GYPC: variants seen among roughly 807,000 people sequenced by gnomAD.
The protein encoded by GYPC is glycophorin-C.
Under a neutral mutation model 12.6 loss-of-function variants are expected in GYPC, and 14 were observed. The observed-to-expected ratio is 1.11, with a 90% CI of 0.74 to 1.74. The LOEUF is 1.74. GYPC is among the 40% of genes most tolerant of loss of function. The pLI, the probability that GYPC is intolerant of heterozygous loss-of-function variation, is 0.00. For missense variants in GYPC, 225 were observed against 172.1 expected, an observed-to-expected ratio of 1.31 and a Z score of -1.72; for synonymous variants, 78 against 62.1, an observed-to-expected ratio of 1.26 and a Z score of -1.20.
intron 3 of GYPC, among the ~76,000 whole-genome samples, 194 bp downstream of exon 3, chr2:126,694,141 G>A (rs369208025): frequency 2.7e-4 from 41 of 152,066 alleles, no homozygotes; most frequent in Admixed American, 4.6e-4. Flanking sequence ...TACATCGTAC[G>A]TATCTATGTA....
At position 126,692,876 on chromosome 2, in the gene GYPC, C is replaced by A. The variant is rs1428748043; in HGVS notation, c.107-988C>A. Among the ~76,000 whole-genome samples the A allele has an allele frequency of 2.0e-5, 3 of 152,176 alleles. 1 individual carries two copies. The highest frequency in any genetic ancestry group is 2.0e-4 in the Admixed American group (3 of 15,264). On this transcript the variant is annotated intron_variant, in intron 2 of 3. Transcript: ENST00000259254. ...CCAGAGGCAAGAGCACTGGCCAAGTCCTGACCTGATATCGGATGAGCTGTG... is the reference window on the plus strand; with the variant it reads ...CCAGAGGCAAGAGCACTGGCCAAGTACTGACCTGATATCGGATGAGCTGTG...
At chr2:126,659,436 G>C (rs188978707) in intron 1 of GYPC, among the ~76,000 whole-genome samples, 21 of 152,320 alleles carry the variant, frequency 1.4e-4, no homozygotes, top group African/African-American at 5.1e-4. Flanking sequence ...ATGTTCACCA[G>C]CTTTGGGAGA....
intron 1 of GYPC, among the ~76,000 whole-genome samples, chr2:126,681,452 G>C (rs188826780): frequency 2.6e-5 from 4 of 152,184 alleles, no homozygotes; most frequent in Non-Finnish European, 5.9e-5. Context: ...TCCCGAGCAC[G>C]GACTTTTGTT....
chr2:126,668,761 T>TGA (rs1417059250), intron 1 of GYPC, among the ~76,000 whole-genome samples: 78 of 152,324 alleles, frequency 5.1e-4, no homozygotes, highest in African/African-American at 1.9e-3. Context: ...GGCGTTATGG[T>TGA]GGTTCTCCCC....
At chr2:126,695,837 G>T in intron 3 of GYPC, 109 bp from the exon 4 acceptor site, 1 of 824,224 alleles carries the variant, frequency 1.2e-6, no homozygotes, top group Non-Finnish European at 2.1e-6. Flanking sequence ...CATCTCTTTT[G>T]GTTGTGGCAT....
chr2:126,671,189 C>T (rs371177519), intron 1 of GYPC, among the ~76,000 whole-genome samples: 10 of 152,316 alleles, frequency 6.6e-5, no homozygotes, highest in East Asian at 5.8e-4. Flanking sequence ...AGGCTGCTAG[C>T]GGGTAGGAGG....
chr2:126,694,043 G>T, intron 3 of GYPC, 96 bp downstream of exon 3: 1 of 852,574 alleles, frequency 1.2e-6, no homozygotes, highest in Non-Finnish European at 2.0e-6. Flanking sequence ...GGGCAGTGGT[G>T]GCTGTGGCCA....
intron 1 of GYPC, among the ~76,000 whole-genome samples, chr2:126,681,121 T>C (rs994085104): frequency 6.6e-6 from 1 of 152,202 alleles, no homozygotes; most frequent in Non-Finnish European, 1.5e-5. Context: ...ATGTTAGAAG[T>C]AAACAAAACC....
intron 1 of GYPC, among the ~76,000 whole-genome samples, chr2:126,681,049 C>T (rs1251160681): frequency 6.6e-6 from 1 of 152,156 alleles, no homozygotes; most frequent in Non-Finnish European, 1.5e-5. Context: ...GATTCATCCC[C>T]GTTTCTTCAC....
At chr2:126,692,590 C>T (rs531613841) in intron 2 of GYPC, among the ~76,000 whole-genome samples, 41 of 152,224 alleles carry the variant, frequency 2.7e-4, no homozygotes, top group Middle Eastern at 3.4e-3. Flanking sequence ...CCAATAAATC[C>T]TTCTTCACAA....
At chr2:126,684,925 C>T (rs547174895) in intron 1 of GYPC, among the ~76,000 whole-genome samples, 58 of 152,210 alleles carry the variant, frequency 3.8e-4, no homozygotes, top group South Asian at 3.7e-3. Flanking sequence ...TTCAGGGGGA[C>T]GCGCACCATA....
In GYPC at chr2:126,696,604, AG is replaced by A. The variant is rs1393320418; in HGVS notation, c.*464del. 4.0e-6 allele frequency: 1 copy of A among 252,946 alleles called. No homozygotes were observed. The highest frequency in any genetic ancestry group is 7.8e-6 in the Non-Finnish European group (1 of 127,764). 15.7% of individuals were successfully genotyped at this position (252,946 alleles called of 1,614,324 possible). ...GGGAACAGCAGGTGCCAGAGCTAAA[AG>A]GTACCTTTGTCTGCCATTGATCCAG... On this transcript the variant is annotated 3_prime_UTR_variant, in exon 4 of 4. Coordinates refer to ENST00000259254, the MANE Select transcript of GYPC (RefSeq NM_002101.5).
intron 1 of GYPC, among the ~76,000 whole-genome samples, chr2:126,683,694 C>G (rs1301677687): frequency 6.6e-6 from 1 of 152,192 alleles, no homozygotes; most frequent in Non-Finnish European, 1.5e-5. Context: ...AACCCTGGAA[C>G]CAGACATTTC....
chr2:126,688,426 A>C (rs1330812079), intron 1 of GYPC, among the ~76,000 whole-genome samples: 1 of 152,210 alleles, frequency 6.6e-6, no homozygotes, highest in Non-Finnish European at 1.5e-5. Context: ...CATTCAGTGA[A>C]TATTTATTGA....
At chr2:126,691,045 A>G (rs950991001) in intron 2 of GYPC, among the ~76,000 whole-genome samples, 1 of 152,012 alleles carries the variant, frequency 6.6e-6, no homozygotes, top group Admixed American at 6.6e-5. Context: ...CTGAGCTTTT[A>G]TTCTTCCTAG....
chr2:126,690,875 T>C (rs1000891062), intron 2 of GYPC, among the ~76,000 whole-genome samples: 1 of 148,050 alleles, frequency 6.8e-6, no homozygotes, highest in Non-Finnish European at 1.5e-5. Flanking sequence ...GGAGGTGCTG[T>C]GTGCTCTGCG....
At chr2:126,684,326 G>T (rs534167262) in intron 1 of GYPC, among the ~76,000 whole-genome samples, 1 of 152,328 alleles carries the variant, frequency 6.6e-6, no homozygotes, top group South Asian at 2.1e-4. Context: ...GGCCATGCCT[G>T]AGAGTGACGG....
At chr2:126,680,998 G>A (rs1447714278) in intron 1 of GYPC, among the ~76,000 whole-genome samples, 6 of 152,130 alleles carry the variant, frequency 3.9e-5, no homozygotes, top group African/African-American at 1.2e-4. Flanking sequence ...CCTTCTAGTC[G>A]GCGACTTTGA....
At chr2:126,694,722 G>C (rs922985072) in intron 3 of GYPC, among the ~76,000 whole-genome samples, 1 of 151,668 alleles carries the variant, frequency 6.6e-6, no homozygotes, top group Non-Finnish European at 1.5e-5. Context: ...TATAAAGGTG[G>C]GACTTGGGAG....
Sources: gnomAD v4.1 joint callset for allele counts (sites outside exome capture counted in the v4.1 genomes callset) on GRCh38, gnomAD v4.1.1 for gene constraint, MANE v1.5 for transcripts, NCBI Gene and HGNC (gene_info 2026-07-23, HGNC 2026-07-21) for gene names.